Variants in ABLIM1 observed in about 807,000 individuals in gnomAD.
ABLIM1 encodes actin binding LIM protein 1, also known as actin-binding LIM protein 1.
A neutral mutation model predicts 107.0 loss-of-function variants in ABLIM1; 40 were observed. That is an observed-to-expected ratio of 0.37 (90% CI 0.29 to 0.49). The LOEUF is 0.49. Among genes scored for constraint, ABLIM1 ranks in the 20% least tolerant of loss-of-function variants. The pLI is 0.97. For synonymous variants in ABLIM1, 357 were observed against 357.3 expected (o/e 1.00, Z 0.01); for missense variants, 857 against 1,008.5 (o/e 0.85, Z 2.04).
At chr10:114,729,646 C>G (rs1192377126) in intron 1 of ABLIM1, among the ~76,000 whole-genome samples, 2 of 152,066 alleles carry the variant, frequency 1.3e-5, no homozygotes, top group African/African-American at 4.8e-5. Context: ...AAACCCACGA[C>G]TGAGAAAATG....
rs2072832414 is a variant in ABLIM1 at position 114,578,130 on chromosome 10, C to A, written c.380-2531G>T. Among the ~76,000 whole-genome samples the A allele has an allele frequency of 2.0e-5, 3 of 152,174 alleles. No homozygotes were observed. The South Asian group carries it at 6.2e-4, about 32-fold the overall frequency. ...TGGGAACAGATCTCATTCACTCTCACAACCTCAACTATAACTTTATGCGAG... is the reference window on the plus strand; with the variant it reads ...TGGGAACAGATCTCATTCACTCTCAAAACCTCAACTATAACTTTATGCGAG... On this transcript the variant is annotated intron_variant, in intron 2 of 22. Coordinates refer to ENST00000533213, the MANE Select transcript of ABLIM1 (RefSeq NM_002313.7).
chr10:114,496,371 C>T (rs1432963936), intron 6 of ABLIM1, among the ~76,000 whole-genome samples: 10 of 152,152 alleles, frequency 6.6e-5, no homozygotes, highest in Admixed American at 6.5e-4. Context: ...AAGCTGGAAG[C>T]CATTATCCTC....
chr10:114,524,413 C>T (rs1329489423), intron 6 of ABLIM1, among the ~76,000 whole-genome samples: 2 of 152,128 alleles, frequency 1.3e-5, no homozygotes, highest in African/African-American at 4.8e-5. Flanking sequence ...TCTTCAATTG[C>T]ACTCACAAAA....
At chr10:114,441,190 C>T (rs1394697342) in intron 18 of ABLIM1, 113 bp from the exon 19 acceptor site, 8 of 1,147,666 alleles carry the variant, frequency 7.0e-6, no homozygotes, top group Non-Finnish European at 9.7e-6. Flanking sequence ...AGCTAAATGT[C>T]AGACCTTCAT....
intron 1 of ABLIM1, among the ~76,000 whole-genome samples, chr10:114,648,624 G>A (rs1475436845): frequency 6.6e-6 from 1 of 152,208 alleles, no homozygotes; most frequent in Admixed American, 6.5e-5. Flanking sequence ...GCACAACTTC[G>A]TGGTTCTACT....
chr10:114,590,847 CA>C (rs946082612), intron 2 of ABLIM1, among the ~76,000 whole-genome samples: 1 of 152,052 alleles, frequency 6.6e-6, no homozygotes, highest in East Asian at 1.9e-4. Context: ...TTAATATGGA[CA>C]AAAAAATTTT....
At chr10:114,686,017 T>C (rs2080926100), upstream of ABLIM1, among the ~76,000 whole-genome samples, 1 of 152,244 alleles carries the variant, frequency 6.6e-6, no homozygotes, top group South Asian at 2.1e-4. Flanking sequence ...AATAGGGTGC[T>C]AGTTTAAAAA....
chr10:114,479,724 G>C (rs1352524368), intron 8 of ABLIM1, among the ~76,000 whole-genome samples: 3 of 152,128 alleles, frequency 2.0e-5, no homozygotes, highest in Non-Finnish European at 2.9e-5. Context: ...GAGGTTAGAG[G>C]TCTCTCCCTT....
At chr10:114,740,801 T>C (rs1364884554) in intron 1 of ABLIM1, among the ~76,000 whole-genome samples, 1 of 152,004 alleles carries the variant, frequency 6.6e-6, no homozygotes, top group Non-Finnish European at 1.5e-5. Flanking sequence ...CCCAGCACTT[T>C]GGGAGGCTGA....
chr10:114,721,203 C>T (rs1424261519), intron 1 of ABLIM1, among the ~76,000 whole-genome samples: 2 of 152,172 alleles, frequency 1.3e-5, no homozygotes, highest in East Asian at 3.9e-4. Flanking sequence ...ACGTTACTGG[C>T]GTGATCCCTT....
intron 10 of ABLIM1, 23 bp from the exon 11 acceptor site, chr10:114,468,239 A>G: frequency 6.2e-7 from 1 of 1,609,504 alleles, no homozygotes; most frequent in African/African-American, 1.3e-5. Flanking sequence ...AAGAGAATTT[A>G]AAGTCACAAT....
chr10:114,718,506 A>ATTC (rs1240185571), intron 1 of ABLIM1, among the ~76,000 whole-genome samples: 4 of 152,234 alleles, frequency 2.6e-5, no homozygotes, highest in Non-Finnish European at 5.9e-5. Context: ...AGAATAGAGC[A>ATTC]TTCTCTCCTG....
At chr10:114,755,466 T>C (rs995830469) in intron 1 of ABLIM1, among the ~76,000 whole-genome samples, 7 of 152,220 alleles carry the variant, frequency 4.6e-5, no homozygotes, top group Admixed American at 4.6e-4. Flanking sequence ...ATATGGACTC[T>C]CTGAGGCGGG....
chr10:114,781,291 C>T, the ABLIM1 span, among the ~76,000 whole-genome samples: 6 of 151,960 alleles, frequency 3.9e-5, no homozygotes, highest in African/African-American at 9.7e-5. Context: ...ATCGCTTAAG[C>T]TCAGGACTTA....
At chr10:114,724,353 C>CTT (rs770899231) in intron 1 of ABLIM1, among the ~76,000 whole-genome samples, 9 of 152,164 alleles carry the variant, frequency 5.9e-5, no homozygotes, top group Non-Finnish European at 1.3e-4. Flanking sequence ...ATGAGCAAGA[C>CTT]TACAAAGGCT....
chr10:114,506,951 C>G (rs1042331001), intron 6 of ABLIM1, among the ~76,000 whole-genome samples: 3 of 152,152 alleles, frequency 2.0e-5, no homozygotes. Context: ...TAGTTGATGC[C>G]TTAGCTTTGG....
intron 6 of ABLIM1, chr10:114,527,007 T>C (rs1182045198): frequency 9.2e-6 from 9 of 980,498 alleles, no homozygotes; most frequent in Non-Finnish European, 1.1e-5. Context: ...GTAGATTTAC[T>C]TTCTTTCTTT....
At chr10:114,704,271 GCTCTCTCTCTCTCTCT>G (rs1215619815) in intron 1 of ABLIM1, among the ~76,000 whole-genome samples, 1 of 40,958 alleles carries the variant, frequency 2.4e-5, no homozygotes, top group African/African-American at 7.3e-5. Context: ...TCTCTCTCTC[GCTCTCTCTCTCTCTCT>G]CTCTCTCTCT....
rs535001284 is a variant in ABLIM1 at position 114,536,613 on chromosome 10, T to A, written c.894+8392A>T. Among the ~76,000 whole-genome samples the A allele has an allele frequency of 2.4e-4, 36 of 152,306 alleles. No homozygotes were observed. The South Asian group carries it at 7.2e-3, about 31-fold the overall frequency. On this transcript the variant is annotated intron_variant, in intron 6 of 22. Transcript: ENST00000533213. ...GTTGTAGTATATATCAGAACTTTGTTCCTTTTTATGGCTGAATAATATTCC... is the reference window on the plus strand; with the variant it reads ...GTTGTAGTATATATCAGAACTTTGTACCTTTTTATGGCTGAATAATATTCC...
Sources: gnomAD v4.1 joint callset for allele counts (sites outside exome capture counted in the v4.1 genomes callset) on GRCh38, gnomAD v4.1.1 for gene constraint, MANE v1.5 for transcripts, NCBI Gene and HGNC (gene_info 2026-07-23, HGNC 2026-07-21) for gene names.